CCR9: variants seen among roughly 807,000 people sequenced by gnomAD.
The protein encoded by CCR9 is C-C motif chemokine receptor 9.
A neutral mutation model predicts 8.7 loss-of-function variants in CCR9; 4 were observed. The ratio of observed to expected loss-of-function variants is 0.46; its 90% CI spans 0.23 to 1.06. The LOEUF is 1.06. Among genes scored for constraint, CCR9 ranks in the 50% least tolerant of loss-of-function variants. The probability of loss-of-function intolerance (pLI) is 0.21; values close to 1 mark genes in which losing one functional copy is unlikely to be tolerated. For synonymous variants in CCR9, 159 were observed against 168.8 expected, an observed-to-expected ratio of 0.94 and a Z score of 0.45; for missense variants, 394 against 453.6, an observed-to-expected ratio of 0.87 and a Z score of 1.19.
At chr3:45,887,770 C>A (rs1360550485) in intron 1 of CCR9, among the ~76,000 whole-genome samples, 1 of 152,248 alleles carries the variant, frequency 6.6e-6, no homozygotes, top group African/African-American at 2.4e-5. Flanking sequence ...CCCCTGGGCC[C>A]TGTGCAGCCC....
At chr3:45,898,228 G>A (rs1702431485) in intron 2 of CCR9, among the ~76,000 whole-genome samples, 1 of 152,030 alleles carries the variant, frequency 6.6e-6, no homozygotes, top group Non-Finnish European at 1.5e-5. Flanking sequence ...TTCACTCAAA[G>A]TCCACTCAAA....
rs200044856 is a variant in CCR9, at chr3:45,902,259, T to G, written c.*361T>G. The G allele has an allele frequency of 9.1e-5, 18 of 197,820 alleles. No individual in the cohort carries two copies. Among genetic ancestry groups the G allele is most frequent in the African/African-American group, 4.2e-4 (18 of 42,612 alleles). 12.3% of individuals were successfully genotyped at this position (197,820 alleles called of 1,614,324 possible). A position where few individuals can be genotyped will look rare whatever the true frequency, so the allele number is the denominator to read the frequency against. On this transcript the variant is annotated 3_prime_UTR_variant, in exon 3 of 3. Transcript: ENST00000357632. ...TGAACTTCTGTGGCTTCAGTTCTCA[T>G]GCTGCCTCTTCCAAAAGGGGACACA...
At chr3:45,886,368 C>A (rs1298356974), upstream of CCR9, 1 of 152,354 alleles carries the variant, frequency 6.6e-6, no homozygotes, top group African/African-American at 2.4e-5. Flanking sequence ...GAGACAGTTT[C>A]CCCTTATCCC....
rs1232454522 is a variant in CCR9, at chr3:45,894,848, TG to T, written c.-28-56del. 7.4e-6 allele frequency: 9 copies of T among 1,218,762 alleles called. No homozygotes were observed. In the African/African-American group the frequency reaches 1.3e-4, roughly 18 times the overall value. The allele number at this position is 1,218,762 out of a possible 1,614,324, so 75.5% of individuals were successfully genotyped here. A position where few individuals can be genotyped will look rare whatever the true frequency, so the allele number is the denominator to read the frequency against. ...ATTTAATCTCCATCTTTTTGGCATT[TG>T]GTTGTTACTATTCGTTTACAAGCCA... On this transcript the variant is annotated intron_variant, in intron 1 of 2. Coordinates refer to ENST00000357632, the MANE Select transcript of CCR9 (RefSeq NM_031200.3).
Position 45,900,800 on chromosome 3 carries a change from C to A in CCR9, c.22-10C>A. ...TCCTTGACCTAATGCCATCTTGTGT[C>A]CCCTTGCAGAGCCCTATTCCTAACA... On this transcript the variant is annotated splice_polypyrimidine_tract_variant and intron_variant, in intron 2 of 2. Transcript: ENST00000357632. This position sits in a 1 kb window ranked among gnomAD's most constrained non-coding sequence, Gnocchi z 4.7. 2 of 1,600,408 alleles carry A rather than the reference C, an allele frequency of 1.2e-6. No individual in the cohort carries two copies. Among genetic ancestry groups the A allele is most frequent in the South Asian group, 2.2e-5 (2 of 89,306 alleles).
At chr3:45,890,886 T>C (rs1298961216) in intron 1 of CCR9, among the ~76,000 whole-genome samples, 19 of 152,188 alleles carry the variant, frequency 1.2e-4, no homozygotes, top group Admixed American at 6.5e-5. Context: ...CTGAAGAATG[T>C]TTAATGATGA....
intron 1 of CCR9, among the ~76,000 whole-genome samples, chr3:45,893,436 T>C (rs1003297908): frequency 2.2e-4 from 33 of 152,128 alleles, no homozygotes; most frequent in African/African-American, 8.0e-4. Flanking sequence ...ATTATAGGCG[T>C]AAGCCACCAT....
chr3:45,890,391 A>T (rs746982313), intron 1 of CCR9, among the ~76,000 whole-genome samples: 1 of 67,382 alleles, frequency 1.5e-5, no homozygotes, highest in African/African-American at 5.0e-5. Flanking sequence ...TTTCTAATTG[A>T]TATCTCAAAA....
chr3:45,893,357 G>A (rs889789065), intron 1 of CCR9, among the ~76,000 whole-genome samples: 6 of 152,076 alleles, frequency 3.9e-5, no homozygotes, highest in African/African-American at 9.7e-5. Flanking sequence ...GTTTCACCAT[G>A]TTGGCCAGAC....
In CCR9 at chr3:45,898,528, G is replaced by A. The variant is rs867142044; in HGVS notation, c.22-2282G>A. Reference sequence around the variant, plus strand: ...CCATTTCCAGCTGCCCTGGCCTGAAGAGCCGCCTCCAGGATCCTGCTCCTG... The same window carrying A: ...CCATTTCCAGCTGCCCTGGCCTGAAAAGCCGCCTCCAGGATCCTGCTCCTG... On this transcript the variant is annotated intron_variant, in intron 2 of 2. Transcript: ENST00000357632. Among the ~76,000 whole-genome samples the A allele has an allele frequency of 2.7e-4, 41 of 152,314 alleles. No individual in the cohort carries two copies. In the Middle Eastern group the frequency reaches 0.02, roughly 76 times the overall value.
At position 45,902,649 on chromosome 3, in the gene CCR9, T is replaced by G. The variant is rs1702595254; in HGVS notation, c.*751T>G. 1 of 167,140 alleles carries G rather than the reference T, an allele frequency of 6.0e-6. No individual in the cohort carries two copies. Among genetic ancestry groups the G allele is most frequent in the Non-Finnish European group, 1.5e-5 (1 of 68,158 alleles). The allele number at this position is 167,140 out of a possible 1,614,324, so 10.4% of individuals were successfully genotyped here. Reference sequence around the variant, plus strand: ...CTTATTCCTTGGTATGGTGACAGTGTCTCTCCATGGCCTGAGCAGGGAGAT... The same window carrying G: ...CTTATTCCTTGGTATGGTGACAGTGGCTCTCCATGGCCTGAGCAGGGAGAT... On this transcript the variant is annotated 3_prime_UTR_variant, in exon 3 of 3. Transcript: ENST00000357632.
Position 45,900,704 on chromosome 3 carries a change from C to CAT in CCR9, c.22-104_22-103dup. ...AATGCCTATGTGTCTTTGGCCTTAT[C>CAT]ATAGGTGTTTGGGGTTGGAAGGGTC... is the stretch of plus-strand genomic sequence containing the variant. On this transcript the variant is annotated intron_variant, in intron 2 of 2. Transcript: ENST00000357632. The surrounding 1 kb of genome is among the most constrained non-coding windows in gnomAD (Gnocchi z 4.7). 1 of 1,134,982 alleles carries CAT rather than the reference C, an allele frequency of 8.8e-7. No individual in the cohort carries two copies. Among genetic ancestry groups the CAT allele is most frequent in the Non-Finnish European group, 1.3e-6 (1 of 796,696 alleles). The allele number at this position is 1,134,982 out of a possible 1,614,324, so 70.3% of individuals were successfully genotyped here. A position where few individuals can be genotyped will look rare whatever the true frequency, so the allele number is the denominator to read the frequency against.
intron 2 of CCR9, among the ~76,000 whole-genome samples, chr3:45,898,298 C>A (rs1194711729): frequency 6.6e-6 from 1 of 152,182 alleles, no homozygotes; most frequent in African/African-American, 2.4e-5. Flanking sequence ...GTTCCCGTGT[C>A]CAGCGTTGGG....
chr3:45,893,940 T>A (rs530307963), intron 1 of CCR9, among the ~76,000 whole-genome samples: 1 of 152,178 alleles, frequency 6.6e-6, no homozygotes, highest in Non-Finnish European at 1.5e-5. Context: ...GGTGGGGTCA[T>A]GATGTTGTTA....
chr3:45,893,999 A>AT (rs1394192869), intron 1 of CCR9, among the ~76,000 whole-genome samples: 1 of 152,048 alleles, frequency 6.6e-6, no homozygotes, highest in African/African-American at 2.4e-5. Context: ...GAAAGAGGCT[A>AT]TTTTTTTCGA....
In CCR9 at chr3:45,887,525, G is replaced by T. The variant is rs938721405; in HGVS notation, c.-29+870G>T. Among the ~76,000 whole-genome samples, 5 of 152,180 alleles carry T rather than the reference G, an allele frequency of 3.3e-5. No individual in the cohort carries two copies. In the South Asian group the frequency reaches 6.2e-4, roughly 19 times the overall value. On this transcript the variant is annotated intron_variant, in intron 1 of 2. Transcript: ENST00000357632. ...TACCCTCTTTAGTTCTGAATTAGCT[G>T]TTACTCCATAGACGGCTGGCAAGTC...
At chr3:45,889,757 G>A (rs1161056374) in intron 1 of CCR9, among the ~76,000 whole-genome samples, 2 of 151,444 alleles carry the variant, frequency 1.3e-5, no homozygotes, top group African/African-American at 4.9e-5. Flanking sequence ...TAGTCTTGAG[G>A]ACCTCTTTTC....
Position 45,901,607 on chromosome 3 carries a change from T to G in CCR9, c.819T>G (p.Ile273Met). The G allele has an allele frequency of 1.2e-6, 2 of 1,614,228 alleles. No individual in the cohort carries two copies. The highest frequency in any genetic ancestry group is 1.7e-6 in the Non-Finnish European group (2 of 1,180,018). The change falls in exon 3 of 3, where the codon ATT (isoleucine) becomes ATG (methionine). Residue 273 changes from isoleucine (I) to methionine (M), a missense_variant. Physicochemically the swap from Ile to Met is conservative, Grantham distance 10 (BLOSUM62 1). Coordinates refer to ENST00000357632, the MANE Select transcript of CCR9 (RefSeq NM_031200.3). The surrounding 1 kb of genome is among the most constrained non-coding windows in gnomAD (Gnocchi z 4.3). ...TGTCTCAGTTTCCCTACAACTGCAT[T>G]TTGTTGGTGCAGACCATTGACGCCT... is the stretch of plus-strand genomic sequence containing the variant. ...FVLSQFPYNC[I>M]LLVQTIDAYA... is the part of the protein sequence containing the mutation.
intron 1 of CCR9, among the ~76,000 whole-genome samples, chr3:45,894,314 G>A (rs1429152958): frequency 6.6e-6 from 1 of 152,160 alleles, no homozygotes; most frequent in African/African-American, 2.4e-5. Flanking sequence ...GGGTTCTGGG[G>A]GCACCGGGTC....
Sources: gnomAD v4.1 joint callset for allele counts (sites outside exome capture counted in the v4.1 genomes callset) on GRCh38, gnomAD v4.1.1 for gene constraint, Gnocchi (gnomAD v3.1) non-coding constraint, MANE v1.5 for transcripts, NCBI Gene and HGNC (gene_info 2026-07-23, HGNC 2026-07-21) for gene names.